The following GNA14 variants were observed in gnomAD, a reference collection of about 807,000 sequenced individuals.
GNA14 encodes guanine nucleotide-binding protein subunit alpha-14.
A neutral mutation model predicts 42.0 loss-of-function variants in GNA14; 50 were observed. That is an observed-to-expected ratio of 1.19 (90% CI 0.95 to 1.51). GNA14 has a LOEUF of 1.51. Among genes scored for constraint, GNA14 ranks in the 40% most tolerant of loss-of-function variants. GNA14 has a pLI of 0.00. For missense variants in GNA14, 473 were observed against 446.2 expected (o/e 1.06, Z -0.54); for synonymous variants, 173 against 163.1 (o/e 1.06, Z -0.46).
intron 1 of GNA14, among the ~76,000 whole-genome samples, chr9:77,583,146 T>C (rs948436066): frequency 6.6e-6 from 1 of 152,314 alleles, no homozygotes; most frequent in Admixed American, 6.5e-5. Flanking sequence ...TATCTCTAAT[T>C]GGGCTAATTC....
intron 6 of GNA14, 30 bp downstream of exon 6, chr9:77,425,532 G>C: frequency 6.4e-7 from 1 of 1,560,560 alleles, no homozygotes; most frequent in South Asian, 1.2e-5. Flanking sequence ...GATCAGCACA[G>C]AAAACACTGT....
chr9:77,501,323 A>G (rs1298710161), intron 2 of GNA14, among the ~76,000 whole-genome samples: 2 of 152,212 alleles, frequency 1.3e-5, no homozygotes, highest in Non-Finnish European at 2.9e-5. Context: ...TCCTGCCAGC[A>G]ACATGAATGG....
intron 2 of GNA14, among the ~76,000 whole-genome samples, chr9:77,439,913 T>C (rs1338060120): frequency 3.3e-5 from 5 of 152,128 alleles, no homozygotes; most frequent in African/African-American, 9.7e-5. Flanking sequence ...GAGTCTGAGG[T>C]GGCCAGCATC....
At chr9:77,464,690 G>A (rs189767916) in intron 2 of GNA14, among the ~76,000 whole-genome samples, 1 of 152,092 alleles carries the variant, frequency 6.6e-6, no homozygotes, top group East Asian at 1.9e-4. Flanking sequence ...CCAGAAAACC[G>A]CCGTACCTAT....
At chr9:77,479,920 A>T (rs1836511143) in intron 2 of GNA14, among the ~76,000 whole-genome samples, 1 of 152,138 alleles carries the variant, frequency 6.6e-6, no homozygotes, top group African/African-American at 2.4e-5. Context: ...GACTTTGCTG[A>T]AGTTGCTTAT....
At chr9:77,620,794 G>A (rs923405864) in intron 1 of GNA14, among the ~76,000 whole-genome samples, 5 of 133,824 alleles carry the variant, frequency 3.7e-5, no homozygotes, top group East Asian at 2.2e-4. Context: ...GTTGCAGTGA[G>A]CCAAGATCAC....
At chr9:77,589,792 C>T (rs1159386500) in intron 1 of GNA14, among the ~76,000 whole-genome samples, 7 of 152,208 alleles carry the variant, frequency 4.6e-5, no homozygotes, top group Non-Finnish European at 2.9e-5. Context: ...GCCTTCCATA[C>T]CAAGACCTTG....
chr9:77,562,468 G>C (rs569852182), intron 1 of GNA14, among the ~76,000 whole-genome samples: 18 of 152,182 alleles, frequency 1.2e-4, no homozygotes, highest in South Asian at 6.2e-4. Context: ...ATTTATTTTA[G>C]GAAGTAGAAA....
intron 2 of GNA14, among the ~76,000 whole-genome samples, chr9:77,439,639 A>T (rs1835697257): frequency 6.6e-6 from 1 of 151,766 alleles, no homozygotes; most frequent in Admixed American, 6.6e-5. Flanking sequence ...ACTGTTTCAA[A>T]AATAATAATA....
intron 1 of GNA14, among the ~76,000 whole-genome samples, chr9:77,564,324 A>T (rs1822932806): frequency 6.7e-6 from 1 of 149,928 alleles, no homozygotes; most frequent in South Asian, 2.1e-4. Context: ...ACTTATTTTT[A>T]AGAGACAAGG....
At chr9:77,602,573 C>T (rs12342104) in intron 1 of GNA14, among the ~76,000 whole-genome samples, 13,063 of 152,090 alleles carry the variant, frequency 0.086, 1,091 homozygotes, top group African/African-American at 0.21. Context: ...TCTCTCCAGC[C>T]TGTAGCATTC....
Position 77,600,268 on chromosome 9 carries a change from A to AT in GNA14, c.124+47401dup, listed in dbSNP as rs548506674. Among the ~76,000 whole-genome samples the AT allele has an allele frequency of 6.3e-4, 96 of 152,258 alleles. No individual in the cohort carries two copies. In the Middle Eastern group the frequency reaches 0.017, roughly 27 times the overall value. On this transcript the variant is annotated intron_variant, in intron 1 of 6. Coordinates refer to ENST00000341700, the MANE Select transcript of GNA14 (RefSeq NM_004297.4). ...TTCTTCCGTGCAATTCGCACCAGTA[A>AT]TTTTTTTCCCAAACCAGCTATTTTT...
At chr9:77,596,760 C>A (rs1287451564) in intron 1 of GNA14, among the ~76,000 whole-genome samples, 2 of 152,188 alleles carry the variant, frequency 1.3e-5, no homozygotes, top group Non-Finnish European at 2.9e-5. Flanking sequence ...TATTCAGTCA[C>A]CCCTCTGCTC....
At chr9:77,478,962 T>C (rs1836489266) in intron 2 of GNA14, among the ~76,000 whole-genome samples, 1 of 152,208 alleles carries the variant, frequency 6.6e-6, no homozygotes, top group African/African-American at 2.4e-5. Flanking sequence ...GAAAATTTTC[T>C]CCCATTCTGT....
At chr9:77,605,424 A>T (rs1823631562) in intron 1 of GNA14, among the ~76,000 whole-genome samples, 1 of 152,238 alleles carries the variant, frequency 6.6e-6, no homozygotes, top group Non-Finnish European at 1.5e-5. Context: ...AGAAAATGAC[A>T]GAGGCAGGAA....
chr9:77,615,543 G>A (rs1052266307), intron 1 of GNA14, among the ~76,000 whole-genome samples: 1 of 151,986 alleles, frequency 6.6e-6, no homozygotes, highest in Admixed American at 6.6e-5. Flanking sequence ...CCAAGGAGAT[G>A]GGAACCTCCA....
At chr9:77,601,460 C>T (rs527886030) in intron 1 of GNA14, among the ~76,000 whole-genome samples, 2 of 152,242 alleles carry the variant, frequency 1.3e-5, no homozygotes, top group South Asian at 2.1e-4. Context: ...GCTCTCTGAC[C>T]TTATATGTTT....
In GNA14 at chr9:77,647,665, C is replaced by G. The variant is rs752297329; in HGVS notation, c.124+5G>C. 8 of 1,608,244 alleles carry G rather than the reference C, an allele frequency of 5.0e-6. No homozygotes were observed. The Admixed American group carries it at 1.2e-4, about 24-fold the overall frequency. ...CTCACTGGAGTCGGAGACGCAGCCA[C>G]TCACCCAGCAGCAGCAGCTTAAGCT... On this transcript the variant is annotated splice_donor_5th_base_variant and intron_variant, in intron 1 of 6. Coordinates refer to ENST00000341700, the MANE Select transcript of GNA14 (RefSeq NM_004297.4).
chr9:77,607,700 C>G (rs1379871904), intron 1 of GNA14, among the ~76,000 whole-genome samples: 1 of 152,128 alleles, frequency 6.6e-6, no homozygotes, highest in East Asian at 1.9e-4. Context: ...TCTCACAGTT[C>G]TGAAGGCTAG....
Sources: gnomAD v4.1 joint callset for allele counts (sites outside exome capture counted in the v4.1 genomes callset) on GRCh38, gnomAD v4.1.1 for gene constraint, MANE v1.5 for transcripts, NCBI Gene and HGNC (gene_info 2026-07-23, HGNC 2026-07-21) for gene names.